The following GARIN5B variants were observed in gnomAD, a reference collection of about 807,000 sequenced individuals.
GARIN5B encodes Golgi-associated RAB2 interactor protein 5B.
the GARIN5B span, chr19:55,355,431 C>G: frequency 1.4e-6 from 2 of 1,409,458 alleles, no homozygotes; most frequent in Non-Finnish European, 2.0e-6. Context: ...CTGCAGATGC[C>G]TGGCTTAGGA....
chr19:55,359,239 T>C, the GARIN5B span: 1 of 1,550,718 alleles, frequency 6.4e-7, no homozygotes, highest in Admixed American at 2.0e-5. Flanking sequence ...ATTCGGTAGG[T>C]GAGGTTGGCA....
the GARIN5B span, chr19:55,362,657 G>A: frequency 6.5e-7 from 1 of 1,546,818 alleles, no homozygotes; most frequent in Non-Finnish European, 8.7e-7. Flanking sequence ...ACCAGGCCTG[G>A]CAGGGAGGCG....
the GARIN5B span, among the ~76,000 whole-genome samples, chr19:55,356,937 G>C: frequency 6.6e-6 from 1 of 152,026 alleles, no homozygotes; most frequent in Admixed American, 6.6e-5. Context: ...TATAATCCCA[G>C]CTACTCGGCT....
chr19:55,357,977 C>G, the GARIN5B span, among the ~76,000 whole-genome samples: 11 of 151,956 alleles, frequency 7.2e-5, no homozygotes, highest in South Asian at 2.3e-3. Context: ...TTGCTTGAAC[C>G]CAGGAGGCGG....
chr19:55,357,568 C>T, the GARIN5B span, among the ~76,000 whole-genome samples: 2 of 152,224 alleles, frequency 1.3e-5, no homozygotes, highest in African/African-American at 4.8e-5. Flanking sequence ...ACCCCAGCTC[C>T]GTGAGGGCTC....
At chr19:55,356,734 G>A in the GARIN5B span, among the ~76,000 whole-genome samples, 2 of 152,138 alleles carry the variant, frequency 1.3e-5, no homozygotes, top group Non-Finnish European at 2.9e-5. Context: ...TAGTTCCAGG[G>A]CATTTGTATC....
chr19:55,361,118 G>A, the GARIN5B span: 1 of 1,551,316 alleles, frequency 6.4e-7, no homozygotes, highest in Non-Finnish European at 8.7e-7. Context: ...AGTGGGTGAG[G>A]AAGGGACGGT....
the GARIN5B span, chr19:55,362,406 G>A: frequency 6.4e-5 from 99 of 1,550,540 alleles, no homozygotes; most frequent in Admixed American, 3.9e-5. Flanking sequence ...GGGGCGTCCA[G>A]GGCCAGGTAG....
the GARIN5B span, among the ~76,000 whole-genome samples, chr19:55,355,816 T>C: frequency 6.6e-6 from 1 of 151,860 alleles, no homozygotes; most frequent in African/African-American, 2.4e-5. Context: ...TGAAACCCCA[T>C]CTCTACAAAA....
chr19:55,363,090 G>A, the GARIN5B span: 1 of 1,474,490 alleles, frequency 6.8e-7, no homozygotes, highest in South Asian at 1.4e-5. The surrounding 1 kb of genome is among the most constrained non-coding windows in gnomAD (Gnocchi z 4.0). Flanking sequence ...GATGGGTACT[G>A]GTTTAGGGAC....
chr19:55,362,487 G>A, the GARIN5B span: 1 of 1,545,076 alleles, frequency 6.5e-7, no homozygotes, highest in Admixed American at 2.0e-5. Context: ...AGGTGGACGA[G>A]GTCCAGGGGG....
the GARIN5B span, chr19:55,358,368 C>T: frequency 1.3e-6 from 2 of 1,514,364 alleles, no homozygotes; most frequent in African/African-American, 2.8e-5. Flanking sequence ...ATGAGGGTCT[C>T]CGAGAGGGGC....
the GARIN5B span, chr19:55,362,347 G>A: frequency 1.3e-6 from 2 of 1,550,476 alleles, no homozygotes; most frequent in Admixed American, 3.9e-5. Context: ...CCTGAAGCAG[G>A]TTGATGAGGC....
the GARIN5B span, chr19:55,358,771 G>A: frequency 3.9e-5 from 60 of 1,549,184 alleles, no homozygotes; most frequent in Non-Finnish European, 5.0e-5. Flanking sequence ...TCATGAGCTT[G>A]GTGAGGGTGA....
At chr19:55,362,223 G>T in the GARIN5B span, 3 of 1,507,274 alleles carry the variant, frequency 2.0e-6, no homozygotes, top group Non-Finnish European at 2.7e-6. Context: ...CCATGCCCTG[G>T]TCTGTGGAGC....
the GARIN5B span, chr19:55,359,236 A>G: frequency 9.5e-3 from 14,778 of 1,551,000 alleles, 88 homozygotes; most frequent in Non-Finnish European, 0.011. Flanking sequence ...GGTATTCGGT[A>G]GGTGAGGTTG....
At chr19:55,361,465 C>G in the GARIN5B span, 1 of 1,465,560 alleles carries the variant, frequency 6.8e-7, no homozygotes, top group Non-Finnish European at 9.0e-7. Context: ...AGGAGGGGCC[C>G]GGGCTTCCAC....
the GARIN5B span, chr19:55,358,899 C>T: frequency 1.9e-6 from 3 of 1,550,578 alleles, no homozygotes; most frequent in Admixed American, 5.9e-5. Context: ...CCAGGCAGGT[C>T]CGGGGACCTC....
the GARIN5B span, chr19:55,359,111 G>T: frequency 6.4e-7 from 1 of 1,551,194 alleles, no homozygotes; most frequent in Non-Finnish European, 8.7e-7. Flanking sequence ...CACCGGCTCC[G>T]GTTTCCCTCC....
Sources: gnomAD v4.1 joint callset for allele counts (sites outside exome capture counted in the v4.1 genomes callset) on GRCh38, gnomAD v4.1.1 for gene constraint, Gnocchi (gnomAD v3.1) non-coding constraint, MANE v1.5 for transcripts, NCBI Gene and HGNC (gene_info 2026-07-23, HGNC 2026-07-21) for gene names.